The following PLPPR5 variants were observed in gnomAD, a reference collection of about 807,000 sequenced individuals.
The protein encoded by PLPPR5 is phospholipid phosphatase-related protein type 5.
In PLPPR5, 16 loss-of-function variants were observed where a neutral mutation model predicts 33.9. The ratio of observed to expected loss-of-function variants is 0.47; its 90% CI spans 0.32 to 0.72. The LOEUF is 0.72. Among genes scored for constraint, PLPPR5 ranks in the 30% least tolerant of loss-of-function variants. The probability of loss-of-function intolerance (pLI) is 0.03; values close to 1 mark genes in which losing one functional copy is unlikely to be tolerated. For synonymous variants in PLPPR5, 163 were observed against 150.3 expected, an observed-to-expected ratio of 1.08 and a Z score of -0.62; for missense variants, 301 against 406.7, an observed-to-expected ratio of 0.74 and a Z score of 2.23.
At chr1:98,918,673 A>G (rs1649444632) in intron 4 of PLPPR5, among the ~76,000 whole-genome samples, 1 of 152,176 alleles carries the variant, frequency 6.6e-6, no homozygotes, top group African/African-American at 2.4e-5. Context: ...CTTCCTGGGG[A>G]AATTGGATCT....
intron 5 of PLPPR5, among the ~76,000 whole-genome samples, chr1:98,897,432 C>T (rs1648521278): frequency 6.6e-6 from 1 of 152,184 alleles, no homozygotes; most frequent in East Asian, 1.9e-4. Context: ...TTTATTTAAA[C>T]ATTGTCTTAA....
chr1:98,935,271 G>T (rs918557131), intron 3 of PLPPR5, among the ~76,000 whole-genome samples: 3 of 152,186 alleles, frequency 2.0e-5, no homozygotes, highest in African/African-American at 7.2e-5. Flanking sequence ...CTCCATTTTA[G>T]AAAGTTGTGT....
chr1:98,992,956 G>A (rs1376891497), intron 1 of PLPPR5, among the ~76,000 whole-genome samples: 1 of 152,012 alleles, frequency 6.6e-6, no homozygotes, highest in Non-Finnish European at 1.5e-5. Flanking sequence ...TCCTTTATGT[G>A]GGGTCATAGG....
chr1:98,992,531 T>C (rs948352732), intron 1 of PLPPR5, among the ~76,000 whole-genome samples: 2 of 152,120 alleles, frequency 1.3e-5, no homozygotes, highest in Admixed American at 1.3e-4. Flanking sequence ...AATCTGTGCA[T>C]CAAAAATGGG....
intron 4 of PLPPR5, among the ~76,000 whole-genome samples, chr1:98,921,538 T>G (rs1382393991): frequency 2.0e-5 from 3 of 152,202 alleles, no homozygotes; most frequent in Admixed American, 2.0e-4. Context: ...ATAAAGTTTG[T>G]TATAAATCCT....
intron 1 of PLPPR5, among the ~76,000 whole-genome samples, chr1:98,975,064 A>C (rs1278435035): frequency 6.6e-6 from 1 of 151,768 alleles, no homozygotes; most frequent in Non-Finnish European, 1.5e-5. Context: ...TCCCCACAAG[A>C]CCTCCCTGAT....
intron 3 of PLPPR5, among the ~76,000 whole-genome samples, chr1:98,934,023 A>G (rs1650084402): frequency 1.3e-5 from 2 of 152,170 alleles, no homozygotes; most frequent in Admixed American, 6.5e-5. Flanking sequence ...CAGCATGGGC[A>G]CCAGGGGAGG....
chr1:98,977,838 T>C (rs1280763835), intron 1 of PLPPR5, among the ~76,000 whole-genome samples: 2 of 151,904 alleles, frequency 1.3e-5, no homozygotes, highest in African/African-American at 2.4e-5. Context: ...ACATATACTA[T>C]AGTAAATGGC....
intron 1 of PLPPR5, among the ~76,000 whole-genome samples, chr1:98,965,942 C>CA (rs1557686503): frequency 6.6e-6 from 1 of 152,076 alleles, no homozygotes; most frequent in African/African-American, 2.4e-5. Flanking sequence ...AAATAATATC[C>CA]AAAAAGCAAA....
intron 1 of PLPPR5, among the ~76,000 whole-genome samples, chr1:98,965,580 T>C (rs1441153032): frequency 2.0e-5 from 3 of 152,208 alleles, no homozygotes; most frequent in Non-Finnish European, 2.9e-5. Context: ...GAATCATAAA[T>C]GTCTCCAGGA....
rs921821189 is a variant in PLPPR5, at chr1:98,899,260, C to A, written c.934-6156G>T. Among the ~76,000 whole-genome samples the A allele has an allele frequency of 7.2e-5, 11 of 152,168 alleles. No homozygotes were observed. In the East Asian group the frequency reaches 2.1e-3, roughly 29 times the overall value. ...AAGTGCTGACTCCACATCCGGATCA[C>A]CTGATATGACTGATGTAGTACAAGT... On this transcript the variant is annotated intron_variant, in intron 5 of 5. Transcript: ENST00000263177.
At chr1:98,903,764 A>G (rs896978651) in intron 5 of PLPPR5, among the ~76,000 whole-genome samples, 6 of 152,142 alleles carry the variant, frequency 3.9e-5, no homozygotes, top group African/African-American at 1.4e-4. Context: ...CAGGGAAACC[A>G]TCATTGTATC....
intron 3 of PLPPR5, among the ~76,000 whole-genome samples, chr1:98,929,321 T>G (rs1170458495): frequency 3.9e-5 from 6 of 152,228 alleles, no homozygotes; most frequent in Non-Finnish European, 1.5e-5. Flanking sequence ...AACAATATAT[T>G]TGGATTAAAA....
chr1:98,937,046 C>T (rs1557675931), intron 3 of PLPPR5, among the ~76,000 whole-genome samples: 1 of 152,178 alleles, frequency 6.6e-6, no homozygotes, highest in Non-Finnish European at 1.5e-5. Context: ...GATAACTGGA[C>T]AAGGGTAATC....
intron 3 of PLPPR5, among the ~76,000 whole-genome samples, chr1:98,937,503 TG>T (rs2101186342): frequency 6.6e-6 from 1 of 152,256 alleles, no homozygotes; most frequent in African/African-American, 2.4e-5. Flanking sequence ...CACTGGTGCT[TG>T]GAGTTCTGTA....
intron 5 of PLPPR5, among the ~76,000 whole-genome samples, chr1:98,897,019 A>G (rs1206457194): frequency 6.6e-6 from 1 of 152,194 alleles, no homozygotes; most frequent in Non-Finnish European, 1.5e-5. Context: ...GAAAACAAGT[A>G]AAATGCCATT....
intron 3 of PLPPR5, among the ~76,000 whole-genome samples, chr1:98,927,601 T>C (rs1649815219): frequency 6.6e-6 from 1 of 152,248 alleles, no homozygotes; most frequent in Admixed American, 6.5e-5. Flanking sequence ...ACTTACCTGC[T>C]GCAGGTGTAC....
rs1226054919 is a variant in PLPPR5 at position 98,906,864 on chromosome 1, C to T, written c.933+7922G>A. On this transcript the variant is annotated intron_variant, in intron 5 of 5. Transcript: ENST00000263177. Reference sequence around the variant, plus strand: ...GTATATTTCTGAATATTGCTATTGCCCCATTTATCATCTTCTTCAGATACA... The same window carrying T: ...GTATATTTCTGAATATTGCTATTGCTCCATTTATCATCTTCTTCAGATACA... 2.0e-5 allele frequency among the ~76,000 whole-genome samples: 3 copies of T among 151,998 alleles called. No homozygotes were observed. In the East Asian group the frequency reaches 5.8e-4, roughly 29 times the overall value.
Position 98,921,828 on chromosome 1 carries a change from T to A in PLPPR5, c.798+54A>T, listed in dbSNP as rs1357542091. The stretch of plus-strand genomic sequence containing the variant: ...GATTCACACTTGTATTTTCTCATGG[T>A]GATTATGCAAGTTAATTAAAAACCC... On this transcript the variant is annotated intron_variant, in intron 4 of 5. Transcript: ENST00000263177. 2.2e-5 allele frequency: 31 copies of A among 1,402,468 alleles called. No individual in the cohort carries two copies. The African/African-American group carries it at 4.5e-4, about 20-fold the overall frequency. 86.9% of individuals were successfully genotyped at this position (1,402,468 alleles called of 1,614,324 possible). A position where few individuals can be genotyped will look rare whatever the true frequency, so the allele number is the denominator to read the frequency against.
Sources: gnomAD v4.1 joint callset for allele counts (sites outside exome capture counted in the v4.1 genomes callset) on GRCh38, gnomAD v4.1.1 for gene constraint, MANE v1.5 for transcripts, NCBI Gene and HGNC (gene_info 2026-07-23, HGNC 2026-07-21) for gene names.